Variants in ASB1 observed in about 807,000 individuals in gnomAD.
The protein encoded by ASB1 is ankyrin repeat and SOCS box containing 1.
ASB1 carries 18 observed loss-of-function variants against 27.7 expected under a neutral mutation model. The ratio of observed to expected loss-of-function variants is 0.65; its 90% CI spans 0.45 to 0.96. The LOEUF (loss-of-function observed/expected upper bound fraction) is 0.96, where lower values mean the gene tolerates loss of function less well. Ranked by LOEUF, ASB1 falls within the 50% of genes least tolerant of loss-of-function variation. The probability of loss-of-function intolerance (pLI) is 0.00; values close to 1 mark genes in which losing one functional copy is unlikely to be tolerated. For synonymous variants in ASB1, 189 were observed against 187.6 expected (o/e 1.01, Z -0.06); for missense variants, 397 against 451.7 (o/e 0.88, Z 1.10).
intron 3 of ASB1, among the ~76,000 whole-genome samples, chr2:238,440,127 A>G (rs1307863288): frequency 1.3e-5 from 2 of 152,194 alleles, no homozygotes; most frequent in Admixed American, 6.5e-5. Context: ...CTCCTGTAAC[A>G]AGATATTCTC....
intron 2 of ASB1, 97 bp downstream of exon 2, chr2:238,433,792 G>A: frequency 7.1e-7 from 1 of 1,411,830 alleles, no homozygotes; most frequent in Non-Finnish European, 9.7e-7. Flanking sequence ...AGACCTTGAT[G>A]TTGGGAGGAA....
At chr2:238,436,447 A>G (rs1461878000) in intron 3 of ASB1, among the ~76,000 whole-genome samples, 1 of 152,114 alleles carries the variant, frequency 6.6e-6, no homozygotes, top group Non-Finnish European at 1.5e-5. Flanking sequence ...AATATGGACC[A>G]GATAGTTTTC....
Position 238,427,007 on chromosome 2 carries a change from T to G in ASB1, c.-64T>G. 8.3e-7 allele frequency: 1 copy of G among 1,204,988 alleles called. No individual in the cohort carries two copies. Among genetic ancestry groups the G allele is most frequent in the South Asian group, 3.8e-5 (1 of 26,292 alleles). 74.6% of individuals were successfully genotyped at this position (1,204,988 alleles called of 1,614,324 possible). A position where few individuals can be genotyped will look rare whatever the true frequency, so the allele number is the denominator to read the frequency against. On this transcript the variant is annotated 5_prime_UTR_variant, in exon 1 of 5. Transcript: ENST00000264607. ...CCTCGGCGCCGGAAGTGGTCGCGGG[T>G]CGTTCTGCTTCCTGCCCGAGGGGCG... is the stretch of plus-strand genomic sequence containing the variant.
chr2:238,428,500 T>C (rs947190945), intron 1 of ASB1, among the ~76,000 whole-genome samples: 2 of 152,146 alleles, frequency 1.3e-5, no homozygotes, highest in Non-Finnish European at 2.9e-5. Flanking sequence ...TATTGGCATA[T>C]TGGCCAGGCT....
chr2:238,427,190 C>G, intron 1 of ASB1, 71 bp downstream of exon 1: 1 of 1,110,250 alleles, frequency 9.0e-7, no homozygotes, highest in African/African-American at 1.6e-5. Flanking sequence ...GCGTCCCTGC[C>G]GAGGTCCTGC....
intron 1 of ASB1, among the ~76,000 whole-genome samples, chr2:238,429,344 A>AT (rs1241742583): frequency 2.0e-5 from 3 of 152,062 alleles, no homozygotes; most frequent in Non-Finnish European, 4.4e-5. Flanking sequence ...CTGTGTAACT[A>AT]TTTTTACAAA....
At chr2:238,444,799 A>G (rs1702147040) in intron 4 of ASB1, 72 bp downstream of exon 4, 2 of 1,484,884 alleles carry the variant, frequency 1.3e-6, no homozygotes, top group Admixed American at 4.7e-5. Context: ...GCAATAAACA[A>G]AAAACAAAAA....
chr2:238,451,700 T>A lies in ASB1; in HGVS notation c.*5189T>A, dbSNP rs1553626910. 6.5e-6 allele frequency: 1 copy of A among 152,674 alleles called. No homozygotes were observed. The highest frequency in any genetic ancestry group is 1.5e-5 in the Non-Finnish European group (1 of 68,052). 9.5% of individuals were successfully genotyped at this position (152,674 alleles called of 1,614,324 possible). ...TCAAAAGCATAATGAACACTTTTGA[T>A]ATGATATTGTAACTTTAGTAAATGC... On this transcript the variant is annotated 3_prime_UTR_variant, in exon 5 of 5. Transcript: ENST00000264607.
At position 238,449,635 on chromosome 2, in the gene ASB1, C is replaced by T. The variant is rs1031075109; in HGVS notation, c.*3124C>T. The stretch of plus-strand genomic sequence containing the variant: ...ACCCACATTCTGTGACTCTTTGCAT[C>T]ACTCGTGTTATTTATTTATTTATTT... On this transcript the variant is annotated 3_prime_UTR_variant, in exon 5 of 5. Transcript: ENST00000264607. The T allele has an allele frequency of 2.4e-4, 36 of 152,210 alleles. No individual in the cohort carries two copies. The highest frequency in any genetic ancestry group is 8.0e-4 in the African/African-American group (33 of 41,440). 9.4% of individuals were successfully genotyped at this position (152,210 alleles called of 1,614,324 possible).
At chr2:238,439,996 CATT>C (rs1413101100) in intron 3 of ASB1, among the ~76,000 whole-genome samples, 1 of 152,220 alleles carries the variant, frequency 6.6e-6, no homozygotes, top group Non-Finnish European at 1.5e-5. Flanking sequence ...AGTTATAATT[CATT>C]ATTATTGTTA....
At chr2:238,434,286 G>T (rs1432140983) in intron 2 of ASB1, among the ~76,000 whole-genome samples, 1 of 152,184 alleles carries the variant, frequency 6.6e-6, no homozygotes, top group Admixed American at 6.5e-5. Flanking sequence ...AGTGATGCTT[G>T]CCCTTCCCTC....
At chr2:238,434,927 C>T (rs1445461732) in intron 2 of ASB1, among the ~76,000 whole-genome samples, 2 of 152,210 alleles carry the variant, frequency 1.3e-5, no homozygotes, top group African/African-American at 4.8e-5. Context: ...GCAGTCAGAG[C>T]CTAGGCGCAG....
In ASB1 at chr2:238,429,157, A is replaced by G. The variant is rs1407557713; in HGVS notation, c.49+2038A>G. Among the ~76,000 whole-genome samples, 6 of 152,158 alleles carry G rather than the reference A, an allele frequency of 3.9e-5. No homozygotes were observed. In the East Asian group the frequency reaches 9.6e-4, roughly 24 times the overall value. ...TCACCTGTGGTTGAGTCTCATGTAC[A>G]GTAGTACTGAAAAGAGATTAATTTT... On this transcript the variant is annotated intron_variant, in intron 1 of 4. Coordinates refer to ENST00000264607, the MANE Select transcript of ASB1 (RefSeq NM_001040445.3).
intron 2 of ASB1, chr2:238,435,020 G>A (rs1701940263): frequency 6.6e-6 from 1 of 152,286 alleles, no homozygotes; most frequent in Non-Finnish European, 1.5e-5. Flanking sequence ...CTGGGCCTCT[G>A]AGCTTTGTTC....
chr2:238,433,397 A>G, intron 1 of ASB1, 157 bp from the exon 2 acceptor site: 2 of 846,650 alleles, frequency 2.4e-6, no homozygotes, highest in Non-Finnish European at 1.8e-6. Flanking sequence ...AGCTGGGATT[A>G]CAGGCGTGCC....
At chr2:238,444,902 A>C (rs1702148944) in intron 4 of ASB1, among the ~76,000 whole-genome samples, 175 bp downstream of exon 4, 1 of 151,994 alleles carries the variant, frequency 6.6e-6, no homozygotes, top group African/African-American at 2.4e-5. Flanking sequence ...AAATTCCTGA[A>C]TACCAAGAAC....
intron 1 of ASB1, 150 bp downstream of exon 1, chr2:238,427,269 G>T: frequency 1.2e-5 from 6 of 510,676 alleles, no homozygotes; most frequent in Non-Finnish European, 1.8e-5. Flanking sequence ...CGGGGGTGGG[G>T]TTCAGCGCGG....
At chr2:238,443,602 C>T (rs1047523166) in intron 3 of ASB1, among the ~76,000 whole-genome samples, 3 of 152,214 alleles carry the variant, frequency 2.0e-5, no homozygotes, top group Non-Finnish European at 2.9e-5. Context: ...CGGAGTGCTT[C>T]TAGCCTTTCC....
At position 238,444,593 on chromosome 2, in the gene ASB1, A is replaced by C; in HGVS notation, c.746A>C (p.Glu249Ala). ...GATGCTGTTCTGCGCCACGGCTGTG[A>C]GGCAGCCTTCGTGAGCCTGCTGGTA... ...VMDAVLRHGC[E>A]AAFVSLLVEF... The change falls in exon 4 of 5, where the codon GAG becomes GCG. Residue 249 changes from glutamate (E) to alanine (A), a missense_variant. By Grantham distance (107) the Glu-to-Ala change is moderately radical. Coordinates refer to ENST00000264607, the MANE Select transcript of ASB1 (RefSeq NM_001040445.3). 2 of 1,614,170 alleles carry C rather than the reference A, an allele frequency of 1.2e-6. No homozygotes were observed. Among genetic ancestry groups the C allele is most frequent in the South Asian group, 2.2e-5 (2 of 91,086 alleles).
Sources: allele counts gnomAD v4.1 joint callset (sites outside exome capture counted in the v4.1 genomes callset), GRCh38; gene constraint gnomAD v4.1.1; transcripts MANE v1.5; gene names NCBI Gene and HGNC (gene_info 2026-07-23, HGNC 2026-07-21).